Variants in AFAP1 observed in about 807,000 individuals in gnomAD.
AFAP1 encodes actin filament associated protein 1, also known as actin filament-associated protein 1.
A neutral mutation model predicts 93.9 loss-of-function variants in AFAP1; 75 were observed. That is an observed-to-expected ratio of 0.80 (90% confidence interval 0.66 to 0.97). The LOEUF is 0.97. Ranked by LOEUF, AFAP1 falls within the 50% of genes least tolerant of loss-of-function variation. AFAP1 has a pLI of 0.00. For synonymous variants in AFAP1, 517 were observed against 430.7 expected (o/e 1.20, Z -2.48); for missense variants, 1,201 against 1,050.8 (o/e 1.14, Z -1.98).
At position 7,843,119 on chromosome 4, in the gene AFAP1, A is replaced by G; in HGVS notation, c.546+20T>C. On this transcript the variant is annotated intron_variant, in intron 5 of 17. Transcript: ENST00000420658. ...GTGCAGCAATCTTACAAAAAATGCA[A>G]GCGATTCCAAATGTCTTACCAGCAG... 6.2e-7 allele frequency: 1 copy of G among 1,610,660 alleles called. No individual in the cohort carries two copies. Among genetic ancestry groups the G allele is most frequent in the Non-Finnish European group, 8.5e-7 (1 of 1,178,030 alleles).
chr4:7,770,837 G>T (rs1029666548), intron 16 of AFAP1, among the ~76,000 whole-genome samples: 2 of 152,194 alleles, frequency 1.3e-5, no homozygotes, highest in Non-Finnish European at 2.9e-5. Context: ...CAAGCAGCGT[G>T]GGGGACTGTG....
intron 8 of AFAP1, among the ~76,000 whole-genome samples, chr4:7,811,212 C>T (rs972346097): frequency 7.9e-5 from 12 of 152,104 alleles, no homozygotes; most frequent in African/African-American, 2.7e-4. Context: ...CCCCAGCGCC[C>T]GACCCTTTCC....
At chr4:7,839,649 T>C (rs1042519873) in intron 5 of AFAP1, among the ~76,000 whole-genome samples, 8 of 152,192 alleles carry the variant, frequency 5.3e-5, no homozygotes, top group Non-Finnish European at 5.9e-5. Flanking sequence ...ACAACTGACA[T>C]TCACTCTAAA....
chr4:7,929,598 C>T (rs1418477221), intron 1 of AFAP1, among the ~76,000 whole-genome samples: 2 of 152,176 alleles, frequency 1.3e-5, no homozygotes, highest in Non-Finnish European at 2.9e-5. Flanking sequence ...GCATGTGCTC[C>T]CTCTGCACTC....
intron 12 of AFAP1, among the ~76,000 whole-genome samples, chr4:7,783,872 G>A (rs146277101): frequency 6.6e-6 from 1 of 152,184 alleles, no homozygotes; most frequent in Non-Finnish European, 1.5e-5. Flanking sequence ...AGGGTCTTTG[G>A]GGGGGACGGG....
chr4:7,913,345 G>A (rs534519263), intron 1 of AFAP1, among the ~76,000 whole-genome samples: 5 of 140,010 alleles, frequency 3.6e-5, no homozygotes, highest in East Asian at 2.1e-4. Flanking sequence ...AGCCATGATC[G>A]CACCACTACA....
At position 7,763,567 on chromosome 4, in the gene AFAP1, C is replaced by A. The variant is rs1350793761; in HGVS notation, c.*198G>T. ...AAAGTTGGGAACCAAAGTCTTACAT[C>A]TTTTTTAAAGGCGCCATTTTACAGT... On this transcript the variant is annotated 3_prime_UTR_variant, in exon 18 of 18. Transcript: ENST00000420658. 7 of 598,338 alleles carry A rather than the reference C, an allele frequency of 1.2e-5. No individual in the cohort carries two copies. The East Asian group carries it at 1.7e-4, about 15-fold the overall frequency. The allele number at this position is 598,338 out of a possible 1,614,324, so 37.1% of individuals were successfully genotyped here. A position where few individuals can be genotyped will look rare whatever the true frequency, so the allele number is the denominator to read the frequency against.
At chr4:7,815,929 T>A in intron 8 of AFAP1, 89 bp downstream of exon 8, 1 of 1,201,998 alleles carries the variant, frequency 8.3e-7, no homozygotes, top group East Asian at 2.4e-5. Flanking sequence ...ACATTTTTCG[T>A]ACAATCAGAC....
At chr4:7,809,056 T>C (rs1030216435) in intron 9 of AFAP1, among the ~76,000 whole-genome samples, 1 of 76,838 alleles carries the variant, frequency 1.3e-5, no homozygotes, top group Non-Finnish European at 2.0e-5. Context: ...AGCTTAGTTT[T>C]GTTTTTGTTT....
In AFAP1 at chr4:7,800,778, G is replaced by T; in HGVS notation, c.1055-125C>A. 3 of 919,808 alleles carry T rather than the reference G, an allele frequency of 3.3e-6. No homozygotes were observed. In the South Asian group the frequency reaches 4.7e-5, roughly 14 times the overall value. 57.0% of individuals were successfully genotyped at this position (919,808 alleles called of 1,614,324 possible). The stretch of plus-strand genomic sequence containing the variant: ...GATAAAACAAATCCTTCACACGATC[G>T]ATCAAGCTTTAAATGCAAATTCGCA... On this transcript the variant is annotated intron_variant, in intron 9 of 17. Coordinates refer to ENST00000420658, the MANE Select transcript of AFAP1 (RefSeq NM_001134647.2).
intron 17 of AFAP1, among the ~76,000 whole-genome samples, chr4:7,767,028 C>G (rs1714699399): frequency 6.6e-6 from 1 of 152,222 alleles, no homozygotes; most frequent in Non-Finnish European, 1.5e-5. Flanking sequence ...TTACGATACA[C>G]AAGTGCATTC....
intron 6 of AFAP1, among the ~76,000 whole-genome samples, chr4:7,824,795 A>C (rs1721285401): frequency 6.6e-6 from 1 of 152,138 alleles, no homozygotes; most frequent in Admixed American, 6.5e-5. Flanking sequence ...GTTAATGGGC[A>C]CTGAGGGAAT....
intron 1 of AFAP1, among the ~76,000 whole-genome samples, chr4:7,935,886 T>C (rs1721350850): frequency 6.6e-6 from 1 of 152,090 alleles, no homozygotes; most frequent in Non-Finnish European, 1.5e-5. Flanking sequence ...CACATAAAAA[T>C]CAAGCCTGCT....
At position 7,896,258 on chromosome 4, in the gene AFAP1, T is replaced by C. The variant is rs1380533076; in HGVS notation, c.-2-24178A>G. Among the ~76,000 whole-genome samples, 7 of 152,280 alleles carry C rather than the reference T, an allele frequency of 4.6e-5. No homozygotes were observed. The South Asian group carries it at 1.5e-3, about 32-fold the overall frequency. The stretch of plus-strand genomic sequence containing the variant: ...TAACCCACCATTAAAAGAGGTTTTT[T>C]ACATACACCTTTGGTTTTCCAGCTA... On this transcript the variant is annotated intron_variant, in intron 1 of 17. Transcript: ENST00000420658.
At chr4:7,898,281 A>C (rs1340474736) in intron 1 of AFAP1, among the ~76,000 whole-genome samples, 1 of 152,040 alleles carries the variant, frequency 6.6e-6, no homozygotes, top group East Asian at 1.9e-4. Flanking sequence ...GGTGGTAGGC[A>C]CCTGTAATCC....
intron 1 of AFAP1, among the ~76,000 whole-genome samples, chr4:7,884,345 A>ATTTTG (rs576095510): frequency 6.6e-6 from 1 of 152,192 alleles, no homozygotes; most frequent in Non-Finnish European, 1.5e-5. Flanking sequence ...ATATCAACAA[A>ATTTTG]TTTTGTTTTG....
chr4:7,924,553 C>A (rs957018711), intron 1 of AFAP1, among the ~76,000 whole-genome samples: 1 of 152,276 alleles, frequency 6.6e-6, no homozygotes, highest in Non-Finnish European at 1.5e-5. Flanking sequence ...TAAATGTGAA[C>A]GTGAAAACTG....
Position 7,798,176 on chromosome 4 carries a change from C to T in AFAP1, c.1266+2266G>A, listed in dbSNP as rs1032944099. 3.8e-5 allele frequency among the ~76,000 whole-genome samples: 4 copies of T among 105,714 alleles called. 1 individual carries two copies. Among genetic ancestry groups the T allele is most frequent in the African/African-American group, 1.4e-4 (4 of 28,172 alleles). The allele number at this position is 105,714 out of a possible 152,430, so 69.4% of individuals were successfully genotyped here. On this transcript the variant is annotated intron_variant, in intron 10 of 17. Transcript: ENST00000420658. Reference sequence around the variant, plus strand: ...ACGGCACTGCAACTCTACTGGCTGGCTCACGGCACTGCAACTCTATTGGCT... The same window carrying T: ...ACGGCACTGCAACTCTACTGGCTGGTTCACGGCACTGCAACTCTATTGGCT...
intron 1 of AFAP1, among the ~76,000 whole-genome samples, chr4:7,925,853 A>AAAG (rs58692629): frequency 0.34 from 49,837 of 147,200 alleles, 9,675 homozygotes; most frequent in Non-Finnish European, 0.45. Flanking sequence ...CTCAAAAAAA[A>AAAG]AAAGAAAGAA....
Sources: allele counts gnomAD v4.1 joint callset (sites outside exome capture counted in the v4.1 genomes callset), GRCh38; gene constraint gnomAD v4.1.1; transcripts MANE v1.5; gene names NCBI Gene and HGNC (gene_info 2026-07-23, HGNC 2026-07-21).